The following SP140 variants were observed in gnomAD, a reference collection of about 807,000 sequenced individuals.
SP140 encodes the protein SP140 nuclear body protein, also known as nuclear body protein SP140.
A neutral mutation model predicts 125.0 loss-of-function variants in SP140; 81 were observed. That is an observed-to-expected ratio of 0.65 (90% CI 0.54 to 0.78). The LOEUF (loss-of-function observed/expected upper bound fraction) is 0.78. Ranked by LOEUF, SP140 falls within the 30% of genes least tolerant of loss-of-function variation. The pLI is 0.00. For synonymous variants in SP140, 312 were observed against 354.0 expected (o/e 0.88, Z 1.33); for missense variants, 858 against 1,037.0 (o/e 0.83, Z 2.37).
intron 21 of SP140, among the ~76,000 whole-genome samples, chr2:230,295,830 G>C (rs1304335793): frequency 5.9e-5 from 9 of 152,276 alleles, no homozygotes; most frequent in African/African-American, 1.7e-4. Flanking sequence ...GCTAATGTTT[G>C]CTTAAGAGCC....
chr2:230,314,353 C>T (rs1470158045), downstream of SP140, among the ~76,000 whole-genome samples: 3 of 152,152 alleles, frequency 2.0e-5, no homozygotes, highest in Admixed American at 6.5e-5. Flanking sequence ...GTGAAGAGAG[C>T]GTTTATCCTC....
Position 230,291,254 on chromosome 2 carries a change from G to A in SP140, c.1825+690G>A, listed in dbSNP as rs77281731. ...GTCAATTAACAGAAATGTTTGCATTGTGACTATTTCTAAACAGCTTTACTG... is the reference window on the plus strand; with the variant it reads ...GTCAATTAACAGAAATGTTTGCATTATGACTATTTCTAAACAGCTTTACTG... On this transcript the variant is annotated intron_variant, in intron 19 of 26. Coordinates refer to ENST00000392045, the MANE Select transcript of SP140 (RefSeq NM_007237.5). Among the ~76,000 whole-genome samples, 448 of 152,232 alleles carry A rather than the reference G, an allele frequency of 2.9e-3. 2 individuals are homozygous for A. Among genetic ancestry groups the A allele is most frequent in the African/African-American group, 0.01 (434 of 41,522 alleles).
chr2:230,287,284 C>T (rs755472143), intron 17 of SP140, among the ~76,000 whole-genome samples: 1 of 152,188 alleles, frequency 6.6e-6, no homozygotes, highest in Non-Finnish European at 1.5e-5. Context: ...TTTACTATTA[C>T]TTTCAGCACG....
chr2:230,245,537 C>T (rs758374175), intron 6 of SP140, among the ~76,000 whole-genome samples: 8 of 151,864 alleles, frequency 5.3e-5, no homozygotes, highest in Non-Finnish European at 1.0e-4. Flanking sequence ...ACAAACATCA[C>T]GAAGGAAGAA....
At chr2:230,287,362 G>A (rs1338101301) in intron 17 of SP140, among the ~76,000 whole-genome samples, 1 of 152,064 alleles carries the variant, frequency 6.6e-6, no homozygotes, top group Non-Finnish European at 1.5e-5. Context: ...CACCTAATAG[G>A]GTTTCCCTTA....
At chr2:230,250,116 C>T (rs2050134828) in intron 9 of SP140, among the ~76,000 whole-genome samples, 1 of 152,230 alleles carries the variant, frequency 6.6e-6, no homozygotes, top group South Asian at 2.1e-4. Context: ...CCCCTTTCTC[C>T]AGGGTTTACT....
chr2:230,281,982 T>C (rs2055637659), intron 15 of SP140, among the ~76,000 whole-genome samples: 1 of 152,128 alleles, frequency 6.6e-6, no homozygotes. Context: ...AAAAGGATGG[T>C]GCAGAGCAAG....
intron 12 of SP140, among the ~76,000 whole-genome samples, chr2:230,268,378 G>A (rs1302489601): frequency 2.6e-5 from 4 of 152,068 alleles, no homozygotes; most frequent in Admixed American, 6.5e-5. Flanking sequence ...ACAAAAATTA[G>A]CCAGGCGTGG....
chr2:230,246,075 A>G (rs2049405322), intron 7 of SP140, 135 bp downstream of exon 7: 2 of 624,986 alleles, frequency 3.2e-6, no homozygotes, highest in Non-Finnish European at 5.8e-6. Context: ...TCATCCATCC[A>G]TCCATATATC....
intron 22 of SP140, among the ~76,000 whole-genome samples, chr2:230,300,905 T>A (rs1281941702): frequency 6.6e-6 from 1 of 152,022 alleles, no homozygotes; most frequent in Admixed American, 6.5e-5. Context: ...AAAATAATAA[T>A]ACAGGATATG....
intron 23 of SP140, chr2:230,310,450 A>G: frequency 1.6e-6 from 1 of 617,916 alleles, no homozygotes; most frequent in Non-Finnish European, 2.7e-6. Context: ...TCTGAAACTC[A>G]GGCCTGACAG....
intron 12 of SP140, among the ~76,000 whole-genome samples, chr2:230,266,506 A>G (rs777774317): frequency 1.3e-5 from 2 of 152,224 alleles, no homozygotes; most frequent in African/African-American, 2.4e-5. Context: ...GTAATGGCTT[A>G]CTACAATACC....
At chr2:230,254,504 A>T (rs1027412152) in intron 11 of SP140, among the ~76,000 whole-genome samples, 11 of 152,136 alleles carry the variant, frequency 7.2e-5, no homozygotes, top group African/African-American at 2.7e-4. Context: ...GAAGACTTTT[A>T]TCTTGGGACC....
intron 22 of SP140, among the ~76,000 whole-genome samples, chr2:230,302,222 A>T (rs1401854297): frequency 1.3e-5 from 2 of 151,268 alleles, no homozygotes; most frequent in Non-Finnish European, 2.9e-5. Context: ...CATCTCTACT[A>T]AAAATACAAA....
intron 3 of SP140, chr2:230,220,055 C>G (rs2045669627): frequency 1.0e-6 from 1 of 985,538 alleles, no homozygotes; most frequent in Non-Finnish European, 1.2e-6. Context: ...GTTTGCCAAG[C>G]CGGAAGCTGA....
intron 12 of SP140, 66 bp downstream of exon 12, chr2:230,255,598 C>A: frequency 6.9e-7 from 1 of 1,457,788 alleles, no homozygotes. Flanking sequence ...ATTTGGAGCT[C>A]GTGTTTCCTG....
upstream of SP140, among the ~76,000 whole-genome samples, chr2:230,199,553 T>C (rs1574659885): frequency 6.6e-6 from 1 of 152,050 alleles, no homozygotes; most frequent in South Asian, 2.1e-4. Context: ...TTTAGAAAAG[T>C]CCAGGAACTT....
chr2:230,291,921 C>T (rs934275237), intron 19 of SP140, among the ~76,000 whole-genome samples: 1 of 152,186 alleles, frequency 6.6e-6, no homozygotes, highest in African/African-American at 2.4e-5. Flanking sequence ...ACTTTGTTAT[C>T]GTCTGTCTGT....
intron 1 of SP140, among the ~76,000 whole-genome samples, chr2:230,230,750 T>A (rs1327881853): frequency 6.6e-6 from 1 of 152,180 alleles, no homozygotes; most frequent in Non-Finnish European, 1.5e-5. Context: ...TTTATGCAGC[T>A]TGGTGTTTGA....
Sources: gnomAD v4.1 joint callset for allele counts (sites outside exome capture counted in the v4.1 genomes callset) on GRCh38, gnomAD v4.1.1 for gene constraint, MANE v1.5 for transcripts, NCBI Gene and HGNC (gene_info 2026-07-23, HGNC 2026-07-21) for gene names.